Variants in ACACA observed in about 807,000 individuals in gnomAD.
ACACA encodes the protein acetyl-CoA carboxylase alpha.
A neutral mutation model predicts 296.1 loss-of-function variants in ACACA; 103 were observed. The ratio of observed to expected loss-of-function variants is 0.35; its 90% CI spans 0.30 to 0.41. The LOEUF is 0.41. ACACA is among the 10% of genes least tolerant of loss of function. The pLI is 1.00. For synonymous variants in ACACA, 953 were observed against 1,038.6 expected, an observed-to-expected ratio of 0.92 and a Z score of 1.58; for missense variants, 1,554 against 2,989.7, an observed-to-expected ratio of 0.52 and a Z score of 11.20.
At chr17:37,316,726 T>C (rs2147075605) in intron 3 of ACACA, among the ~76,000 whole-genome samples, 1 of 152,174 alleles carries the variant, frequency 6.6e-6, no homozygotes, top group South Asian at 2.1e-4. Flanking sequence ...AATCAACATA[T>C]CAAAGAGATA....
chr17:37,321,609 G>A (rs1294100765), intron 3 of ACACA, among the ~76,000 whole-genome samples: 2 of 152,154 alleles, frequency 1.3e-5, no homozygotes, highest in East Asian at 1.9e-4. Context: ...TTAGCCAGGC[G>A]TGGCGGCATG....
intron 24 of ACACA, among the ~76,000 whole-genome samples, chr17:37,239,123 C>A (rs1285920653): frequency 1.3e-5 from 2 of 152,154 alleles, no homozygotes; most frequent in Non-Finnish European, 2.9e-5. Flanking sequence ...GCCACTACAT[C>A]TAGCCTGCTA....
At chr17:37,183,163 T>C (rs890024288) in intron 39 of ACACA, among the ~76,000 whole-genome samples, 4 of 152,174 alleles carry the variant, frequency 2.6e-5, no homozygotes, top group African/African-American at 9.7e-5. Flanking sequence ...TCTCGTCTGT[T>C]AAGAGAGACA....
intron 3 of ACACA, among the ~76,000 whole-genome samples, chr17:37,295,308 T>C (rs1165716716): frequency 6.6e-6 from 1 of 152,092 alleles, no homozygotes; most frequent in East Asian, 1.9e-4. Flanking sequence ...GATTCCCCTG[T>C]ATGGAGCAGG....
chr17:37,268,741 C>CTATCTATATATATATATATATATA (rs1219982787), intron 10 of ACACA, among the ~76,000 whole-genome samples: 1 of 94,528 alleles, frequency 1.1e-5, no homozygotes, highest in African/African-American at 4.0e-5. Context: ...ATCTATCTAT[C>CTATCTATATATATATATATATATA]TATATATATA....
At chr17:37,329,457 T>C (rs1050572397) in intron 3 of ACACA, among the ~76,000 whole-genome samples, 1 of 152,018 alleles carries the variant, frequency 6.6e-6, no homozygotes, top group East Asian at 1.9e-4. Context: ...CTGGCCAACA[T>C]GGCGAAACCC....
In ACACA at chr17:37,274,181, T is replaced by A. The variant is rs369256949; in HGVS notation, c.1008+12A>T. ...AGCTGAAAGGTATCACTCCCTGGAG[T>A]TAGTAACCTACCTGTAGCCCATCAT... On this transcript the variant is annotated intron_variant, in intron 9 of 55. Coordinates refer to ENST00000616317, the MANE Select transcript of ACACA (RefSeq NM_198834.3). The A allele has an allele frequency of 1.9e-6, 3 of 1,604,124 alleles. No homozygotes were observed. In the African/African-American group the frequency reaches 4.0e-5, roughly 21 times the overall value.
intron 38 of ACACA, among the ~76,000 whole-genome samples, chr17:37,190,798 T>A (rs2077721652): frequency 6.6e-6 from 1 of 152,134 alleles, no homozygotes; most frequent in East Asian, 1.9e-4. Flanking sequence ...TAGGGAATAA[T>A]ACAAAACAGG....
At position 37,406,811 on chromosome 17, in the gene ACACA, C is replaced by T. The variant is rs1403358697; in HGVS notation, c.-512G>A. ...CGGGCGCTCAGCACCCGGCGGGGGC[C>T]TCCACGGCCGAGGGGCGGAGGCGGC... On this transcript the variant is annotated 5_prime_UTR_variant, in exon 1 of 56. Coordinates refer to ENST00000616317, the MANE Select transcript of ACACA (RefSeq NM_198834.3). 6.7e-6 allele frequency: 1 copy of T among 149,386 alleles called. No homozygotes were observed. Among genetic ancestry groups the T allele is most frequent in the Non-Finnish European group, 1.5e-5 (1 of 67,144 alleles). 9.3% of individuals were successfully genotyped at this position (149,386 alleles called of 1,614,324 possible).
At position 37,406,624 on chromosome 17, in the gene ACACA, G is replaced by T. The variant is rs1214682849; in HGVS notation, c.-325C>A. On this transcript the variant is annotated 5_prime_UTR_variant, in exon 1 of 56. Transcript: ENST00000616317. ...CGGAGGGGACCAAACAGCCCCACGC[G>T]CCAGGAAGCCTCAGGCAACGGGCCA... The T allele has an allele frequency of 1.9e-6, 1 of 522,464 alleles. No individual in the cohort carries two copies. The highest frequency in any genetic ancestry group is 3.4e-6 in the Non-Finnish European group (1 of 289,984). 32.4% of individuals were successfully genotyped at this position (522,464 alleles called of 1,614,324 possible).
At chr17:37,226,512 A>AT (rs770491629) in intron 25 of ACACA, 60 bp from the exon 26 acceptor site, 440 of 1,382,920 alleles carry the variant, frequency 3.2e-4, no homozygotes, top group Non-Finnish European at 4.2e-4. Flanking sequence ...GGTGGATAGG[A>AT]TTTTAAAATA....
intron 45 of ACACA, among the ~76,000 whole-genome samples, chr17:37,135,841 AG>A (rs988895572): frequency 5.9e-5 from 9 of 151,894 alleles, no homozygotes; most frequent in African/African-American, 2.2e-4. Context: ...CACTCACCCT[AG>A]GGGGACCCAC....
intron 54 of ACACA, among the ~76,000 whole-genome samples, chr17:37,093,115 T>G (rs2072756023): frequency 6.6e-6 from 1 of 152,156 alleles, no homozygotes; most frequent in Non-Finnish European, 1.5e-5. Context: ...AAGTTTGGTG[T>G]ATGAGACTTA....
Position 37,207,754 on chromosome 17 carries a change from C to T in ACACA, c.3754G>A (p.Ala1252Thr). The T allele has an allele frequency of 6.2e-7, 1 of 1,613,918 alleles. No individual in the cohort carries two copies. Among genetic ancestry groups the T allele is most frequent in the East Asian group, 2.2e-5 (1 of 44,876 alleles). Reference protein sequence around the residue: ...NLNHYGMTHVASVSDVLLDNS... With the variant: ...NLNHYGMTHVTSVSDVLLDNS... ...TCCAACAGTACATCGCTGACACTAGCTACATGGGTCATGCCATAGTGGTTG... is the reference window on the plus strand; with the variant it reads ...TCCAACAGTACATCGCTGACACTAGTTACATGGGTCATGCCATAGTGGTTG... The change falls in exon 31 of 56, where the codon GCT (alanine) becomes ACT (threonine). Residue 1252 changes from alanine (A) to threonine (T), a missense_variant. Ala to Thr is a moderately conservative substitution (Grantham distance 58, BLOSUM62 0). Around this residue, in one of 16 missense-constraint regions of ACACA, gnomAD observed 179 missense variants for 283.2 expected, o/e 0.63. Transcript: ENST00000616317.
chr17:37,214,437 T>C (rs1185561255), intron 29 of ACACA, among the ~76,000 whole-genome samples: 1 of 152,200 alleles, frequency 6.6e-6, no homozygotes, highest in Non-Finnish European at 1.5e-5. Flanking sequence ...CTGAAACAAG[T>C]ACATCAACAG....
chr17:37,200,214 G>A (rs760473506), intron 34 of ACACA, 31 bp from the exon 35 acceptor site: 2 of 1,580,452 alleles, frequency 1.3e-6, no homozygotes, highest in Non-Finnish European at 1.7e-6. Context: ...AGGAAGGAAA[G>A]ACAGCAGAAG....
At chr17:37,229,792 A>G (rs1004291910) in intron 25 of ACACA, among the ~76,000 whole-genome samples, 3 of 151,240 alleles carry the variant, frequency 2.0e-5, no homozygotes, top group Non-Finnish European at 4.4e-5. Context: ...AATGTGGGCC[A>G]GGCGTGGTGG....
At chr17:37,231,429 T>A (rs2145806112) in intron 25 of ACACA, among the ~76,000 whole-genome samples, 1 of 152,230 alleles carries the variant, frequency 6.6e-6, no homozygotes, top group East Asian at 1.9e-4. Flanking sequence ...ATATCTGCAC[T>A]TTTTGATATC....
At chr17:37,247,590 C>T (rs933149855) in intron 18 of ACACA, among the ~76,000 whole-genome samples, 5 of 152,210 alleles carry the variant, frequency 3.3e-5, no homozygotes, top group African/African-American at 1.2e-4. Context: ...CGGTCTTGAA[C>T]TCCCAGCCTC....
Sources: gnomAD v4.1 joint callset for allele counts (sites outside exome capture counted in the v4.1 genomes callset) on GRCh38, gnomAD v4.1.1 for gene constraint, gnomAD v4.1.1 regional missense constraint, MANE v1.5 for transcripts, NCBI Gene and HGNC (gene_info 2026-07-23, HGNC 2026-07-21) for gene names.